TRPS1: variants seen among roughly 807,000 people sequenced by gnomAD.
TRPS1 encodes transcriptional repressor GATA binding 1, also known as zinc finger transcription factor Trps1.
A neutral mutation model predicts 101.2 loss-of-function variants in TRPS1; 6 were observed. The observed-to-expected ratio is 0.06, with a 90% CI of 0.03 to 0.12. TRPS1 has a LOEUF of 0.12. TRPS1 is among the 10% of genes least tolerant of loss of function. The pLI is 1.00. For missense variants in TRPS1, 1,363 were observed against 1,567.0 expected, an observed-to-expected ratio of 0.87 and a Z score of 2.20; for synonymous variants, 578 against 589.8, an observed-to-expected ratio of 0.98 and a Z score of 0.29.
At chr8:115,434,470 G>GT (rs549251612) in intron 5 of TRPS1, among the ~76,000 whole-genome samples, 1 of 152,094 alleles carries the variant, frequency 6.6e-6, no homozygotes, top group South Asian at 2.1e-4. Context: ...CCAAATTACT[G>GT]TAACAACAGC....
intron 5 of TRPS1, among the ~76,000 whole-genome samples, chr8:115,424,103 C>T (rs1246846259): frequency 6.6e-6 from 1 of 152,058 alleles, no homozygotes; most frequent in Non-Finnish European, 1.5e-5. Flanking sequence ...GAATAAGAAC[C>T]ATACTGAAAC....
rs79687410 is a variant in TRPS1 at position 115,578,090 on chromosome 8, T to C, written c.2700+8911A>G. Among the ~76,000 whole-genome samples the C allele has an allele frequency of 8.5e-5, 13 of 152,314 alleles. No individual in the cohort carries two copies. The East Asian group carries it at 2.5e-3, about 29-fold the overall frequency. ...ATCAATTTCTCTAAAGAATAAACTA[T>C]ACTGCATATGCAATATAAAGTAAGC... On this transcript the variant is annotated intron_variant, in intron 5 of 6. Transcript: ENST00000395715.
chr8:115,664,462 A>C (rs1054157229), intron 1 of TRPS1, among the ~76,000 whole-genome samples: 1 of 152,144 alleles, frequency 6.6e-6, no homozygotes, highest in South Asian at 2.1e-4. Context: ...TTTCTGTATA[A>C]TAACAAAAGA....
intron 5 of TRPS1, among the ~76,000 whole-genome samples, chr8:115,471,664 G>C (rs1218803093): frequency 6.6e-6 from 1 of 152,064 alleles, no homozygotes; most frequent in Non-Finnish European, 1.5e-5. Context: ...CTGAAACAAG[G>C]CAAGTCCCTT....
chr8:115,467,079 G>GAAATTTTGA, intron 5 of TRPS1, among the ~76,000 whole-genome samples: 1 of 152,136 alleles, frequency 6.6e-6, no homozygotes, highest in East Asian at 1.9e-4. Context: ...TTTTCTTAAA[G>GAAATTTTGA]AAATTTTGAA....
At chr8:115,590,667 T>C (rs186893488) in intron 4 of TRPS1, among the ~76,000 whole-genome samples, 1 of 152,338 alleles carries the variant, frequency 6.6e-6, no homozygotes, top group Admixed American at 6.5e-5. Context: ...TTAAGGAGAA[T>C]GCTTAAGCTT....
At chr8:115,452,205 T>C (rs1813892306) in intron 5 of TRPS1, among the ~76,000 whole-genome samples, 1 of 152,184 alleles carries the variant, frequency 6.6e-6, no homozygotes, top group Admixed American at 6.5e-5. Flanking sequence ...ACTTGGCGGC[T>C]GGCCAGACTT....
intron 5 of TRPS1, among the ~76,000 whole-genome samples, chr8:115,574,550 G>C (rs888108915): frequency 1.1e-4 from 16 of 152,082 alleles, no homozygotes; most frequent in African/African-American, 3.9e-4. Flanking sequence ...TTTAACACCT[G>C]ATTTTCATTC....
chr8:115,620,126 T>G (rs2130534550), intron 2 of TRPS1, 66 bp from the exon 3 acceptor site: 1 of 1,511,428 alleles, frequency 6.6e-7, no homozygotes, highest in Admixed American at 1.8e-5. Flanking sequence ...CAGTTGAATC[T>G]GGAATATTTT....
intron 5 of TRPS1, among the ~76,000 whole-genome samples, chr8:115,525,517 A>G (rs1338123044): frequency 6.6e-6 from 1 of 152,070 alleles, no homozygotes; most frequent in Non-Finnish European, 1.5e-5. Context: ...AAGCAACAGG[A>G]ATATATTTAA....
At chr8:115,459,897 AGGTT>A (rs1814124296) in intron 5 of TRPS1, among the ~76,000 whole-genome samples, 1 of 152,194 alleles carries the variant, frequency 6.6e-6, no homozygotes, top group Non-Finnish European at 1.5e-5. Flanking sequence ...ATTGTCCAAA[AGGTT>A]GGCCCAACAC....
At chr8:115,503,893 T>A (rs1372079318) in intron 5 of TRPS1, among the ~76,000 whole-genome samples, 1 of 152,202 alleles carries the variant, frequency 6.6e-6, no homozygotes, top group African/African-American at 2.4e-5. Context: ...TTATTTGGTA[T>A]CATTGTGACT....
At chr8:115,503,114 C>T (rs1438906310) in intron 5 of TRPS1, among the ~76,000 whole-genome samples, 4 of 151,600 alleles carry the variant, frequency 2.6e-5, no homozygotes, top group Admixed American at 1.3e-4. Flanking sequence ...ATTACCTGGG[C>T]GTGGTGGCGG....
intron 5 of TRPS1, among the ~76,000 whole-genome samples, chr8:115,528,873 A>T (rs1460348002): frequency 6.6e-6 from 1 of 152,046 alleles, no homozygotes; most frequent in African/African-American, 2.4e-5. Flanking sequence ...TGATTCTTTT[A>T]AAAACTATTT....
chr8:115,657,283 G>A (rs528828171), intron 1 of TRPS1, among the ~76,000 whole-genome samples: 18 of 152,224 alleles, frequency 1.2e-4, no homozygotes, highest in African/African-American at 4.3e-4. Context: ...TACCTGATAT[G>A]ATATTCATGT....
intron 5 of TRPS1, among the ~76,000 whole-genome samples, chr8:115,459,164 C>T (rs1425301423): frequency 1.3e-5 from 2 of 151,988 alleles, no homozygotes; most frequent in African/African-American, 2.4e-5. Context: ...GGTGAAACCC[C>T]GTCTCTACTA....
chr8:115,444,790 C>G (rs1429247679), intron 5 of TRPS1, among the ~76,000 whole-genome samples: 3 of 152,180 alleles, frequency 2.0e-5, no homozygotes, highest in African/African-American at 7.2e-5. Flanking sequence ...ACTCCACCAT[C>G]CTGAAATTGG....
intron 5 of TRPS1, among the ~76,000 whole-genome samples, chr8:115,514,345 T>A (rs1156957830): frequency 6.6e-6 from 1 of 151,758 alleles, no homozygotes; most frequent in African/African-American, 2.4e-5. Context: ...CTGAGTTGAA[T>A]CCTGGCTCTG....
At chr8:115,511,576 T>C (rs1401236166) in intron 5 of TRPS1, among the ~76,000 whole-genome samples, 1 of 151,892 alleles carries the variant, frequency 6.6e-6, no homozygotes, top group Non-Finnish European at 1.5e-5. Context: ...CCTGTGGTTC[T>C]AGTTGCCTAA....
Sources: allele counts gnomAD v4.1 joint callset (sites outside exome capture counted in the v4.1 genomes callset), GRCh38; gene constraint gnomAD v4.1.1; transcripts MANE v1.5; gene names NCBI Gene and HGNC (gene_info 2026-07-23, HGNC 2026-07-21).